Variants in INTS6 observed in about 807,000 individuals in gnomAD.
INTS6 encodes the protein DEAD box protein.
A neutral mutation model predicts 104.9 loss-of-function variants in INTS6; 16 were observed. That is an observed-to-expected ratio of 0.15 (90% CI 0.10 to 0.23). The LOEUF (loss-of-function observed/expected upper bound fraction) is 0.23. Ranked by LOEUF, INTS6 falls within the 10% of genes least tolerant of loss-of-function variation. The pLI, the probability that INTS6 is intolerant of heterozygous loss-of-function variation, is 1.00. For synonymous variants in INTS6, 324 were observed against 358.7 expected, an observed-to-expected ratio of 0.90 and a Z score of 1.09; for missense variants, 584 against 1,062.8, an observed-to-expected ratio of 0.55 and a Z score of 6.26.
chr13:51,444,284 T>C (rs983886833), intron 3 of INTS6: 24 of 118,960 alleles, frequency 2.0e-4, no homozygotes, highest in Non-Finnish European at 2.8e-4. Flanking sequence ...TTTTTTTTTT[T>C]AGTAGAGATG....
At chr13:51,408,195 G>A (rs1956614129) in intron 4 of INTS6, among the ~76,000 whole-genome samples, 1 of 149,680 alleles carries the variant, frequency 6.7e-6, no homozygotes, top group South Asian at 2.1e-4. Context: ...CCAGGCTGGA[G>A]TGCAGTGGTG....
intron 3 of INTS6, chr13:51,448,653 G>A (rs1034664072): frequency 5.9e-5 from 9 of 151,970 alleles, no homozygotes; most frequent in African/African-American, 2.2e-4. Context: ...GGAGAATGGT[G>A]GATATCTACA....
intron 3 of INTS6, chr13:51,449,369 C>T: frequency 2.9e-6 from 2 of 687,214 alleles, no homozygotes; most frequent in South Asian, 6.5e-5. Context: ...GCCTTATAGA[C>T]AAGAACTAAA....
chr13:51,347,214 A>C, the INTS6 span: 1 of 1,613,858 alleles, frequency 6.2e-7, no homozygotes, highest in Non-Finnish European at 8.5e-7. Flanking sequence ...ATGATGCACC[A>C]AACGACCGAG....
chr13:51,345,997 T>C, the INTS6 span, among the ~76,000 whole-genome samples: 1 of 152,188 alleles, frequency 6.6e-6, no homozygotes, highest in Non-Finnish European at 1.5e-5. Context: ...GGGTGGATGG[T>C]GGCTTCACCC....
In INTS6 at chr13:51,427,680, A is replaced by G. The variant is rs371661768; in HGVS notation, c.429+2614T>C. Among the ~76,000 whole-genome samples, 4 of 152,204 alleles carry G rather than the reference A, an allele frequency of 2.6e-5. No homozygotes were observed. In the South Asian group the frequency reaches 8.3e-4, roughly 32 times the overall value. On this transcript the variant is annotated intron_variant, in intron 4 of 17. Coordinates refer to ENST00000311234, the MANE Select transcript of INTS6 (RefSeq NM_012141.3). ...TTCAAAATAATTTACTTTTGCTTTA[A>G]AACAAATGAACCTTCCACCTCAGAT...
At chr13:51,382,241 A>C (rs544189868) in intron 9 of INTS6, 118 bp from the exon 10 acceptor site, 1 of 495,968 alleles carries the variant, frequency 2.0e-6, no homozygotes, top group South Asian at 2.7e-5. Context: ...GTAACATCAG[A>C]CGTTTTTTAA....
intron 3 of INTS6, chr13:51,436,981 G>A (rs1042222459): frequency 3.3e-5 from 5 of 152,018 alleles, no homozygotes; most frequent in East Asian, 1.9e-4. Flanking sequence ...GGCCAGGCAC[G>A]GTGGCTCACA....
intron 2 of INTS6, 63 bp from the exon 3 acceptor site, chr13:51,451,237 A>G: frequency 7.5e-7 from 1 of 1,334,848 alleles, no homozygotes; most frequent in Non-Finnish European, 9.9e-7. Context: ...CAGAGCCGTT[A>G]TAATCTGACG....
At chr13:51,435,726 G>C (rs932928675) in intron 3 of INTS6, among the ~76,000 whole-genome samples, 1 of 151,910 alleles carries the variant, frequency 6.6e-6, no homozygotes, top group African/African-American at 2.4e-5. Flanking sequence ...GTGGAGGAGG[G>C]GCATAGGAAT....
chr13:51,436,464 G>A (rs1463721033), intron 3 of INTS6: 1 of 152,054 alleles, frequency 6.6e-6, no homozygotes, highest in Non-Finnish European at 1.5e-5. Context: ...AATTCCTTAT[G>A]TTAAAAATAC....
intron 12 of INTS6, among the ~76,000 whole-genome samples, chr13:51,376,807 C>A (rs1955940920): frequency 6.6e-6 from 1 of 152,118 alleles, no homozygotes. Flanking sequence ...CCTTTTTATT[C>A]CAGAGTAGTA....
At chr13:51,378,740 A>G (rs1382682252) in intron 11 of INTS6, among the ~76,000 whole-genome samples, 1 of 152,066 alleles carries the variant, frequency 6.6e-6, no homozygotes, top group East Asian at 1.9e-4. Context: ...ACCATGAAAT[A>G]TAAATGCACA....
intron 2 of INTS6, 25 bp downstream of exon 2, chr13:51,451,952 GA>G (rs761497006): frequency 6.4e-7 from 1 of 1,571,082 alleles, no homozygotes; most frequent in East Asian, 2.3e-5. Context: ...GGGAAGGGAG[GA>G]AAGGGGGAGG....
intron 3 of INTS6, chr13:51,436,718 A>G (rs1008633845): frequency 3.9e-5 from 6 of 152,220 alleles, no homozygotes; most frequent in African/African-American, 1.4e-4. Context: ...ACTAAGTATA[A>G]CTACAAAAGA....
intron 15 of INTS6, among the ~76,000 whole-genome samples, chr13:51,373,250 T>TC (rs1955849957): frequency 6.6e-6 from 1 of 152,026 alleles, no homozygotes; most frequent in African/African-American, 2.4e-5. Context: ...ATTGGATACT[T>TC]CCATCAGGAG....
intron 3 of INTS6, chr13:51,443,541 CAAAAAT>C (rs917431927): frequency 2.4e-4 from 37 of 151,912 alleles, no homozygotes; most frequent in Middle Eastern, 3.4e-3. Context: ...TAAGACTAAA[CAAAAAT>C]AAAGTTTATA....
At chr13:51,450,306 A>T (rs2138178599) in intron 3 of INTS6, 1 of 985,376 alleles carries the variant, frequency 1.0e-6, no homozygotes, top group Middle Eastern at 5.2e-4. Flanking sequence ...TTCCTTAGTG[A>T]ATTATTGTTG....
rs768495642 is a variant in INTS6 at position 51,452,102 on chromosome 13, G to C, written c.112-47C>G. The C allele has an allele frequency of 2.5e-6, 4 of 1,572,708 alleles. No individual in the cohort carries two copies. In the East Asian group the frequency reaches 9.0e-5, roughly 35 times the overall value. On this transcript the variant is annotated intron_variant, in intron 1 of 17. Transcript: ENST00000311234. The surrounding 1 kb of genome is among the most constrained non-coding windows in gnomAD (Gnocchi z 4.2). ...AGGGCGGGCGACAGGGAAGCACAGA[G>C]GCGAGGTTACGAGGCGGAGAAGGGG...
Sources: gnomAD v4.1 joint callset for allele counts (sites outside exome capture counted in the v4.1 genomes callset) on GRCh38, gnomAD v4.1.1 for gene constraint, Gnocchi (gnomAD v3.1) non-coding constraint, MANE v1.5 for transcripts, NCBI Gene and HGNC (gene_info 2026-07-23, HGNC 2026-07-21) for gene names.